The following PRIM2 variants were observed in gnomAD, a reference collection of about 807,000 sequenced individuals.
PRIM2 encodes DNA primase subunit 2.
Under a neutral mutation model 67.3 loss-of-function variants are expected in PRIM2, and 39 were observed. The observed-to-expected ratio is 0.58, with a 90% CI of 0.45 to 0.76. The LOEUF is 0.76. Among genes scored for constraint, PRIM2 ranks in the 30% least tolerant of loss-of-function variants. The pLI, the probability that PRIM2 is intolerant of heterozygous loss-of-function variation, is 0.00. For synonymous variants in PRIM2, 143 were observed against 198.7 expected, an observed-to-expected ratio of 0.72 and a Z score of 2.36; for missense variants, 398 against 598.7, an observed-to-expected ratio of 0.66 and a Z score of 3.50.
At chr6:57,371,865 G>C (rs1473961743) in intron 5 of PRIM2, among the ~76,000 whole-genome samples, 1 of 152,180 alleles carries the variant, frequency 6.6e-6, no homozygotes, top group Admixed American at 6.5e-5. Flanking sequence ...TCTGCATTGT[G>C]TGTCTGGTTG....
intron 7 of PRIM2, among the ~76,000 whole-genome samples, chr6:57,452,950 A>G (rs1772608875): frequency 6.6e-6 from 1 of 152,096 alleles, no homozygotes; most frequent in African/African-American, 2.4e-5. Context: ...TCCATCTTGA[A>G]TTAATTTTAG....
chr6:57,546,699 C>G (rs1392968294), intron 10 of PRIM2, among the ~76,000 whole-genome samples: 3 of 152,022 alleles, frequency 2.0e-5, no homozygotes. Context: ...AATTTACCTT[C>G]TCAGTATATT....
intron 7 of PRIM2, among the ~76,000 whole-genome samples, chr6:57,489,560 G>GAAAAAAA (rs1773839803): frequency 7.0e-6 from 1 of 143,850 alleles, no homozygotes. Context: ...CCCGTCTCCA[G>GAAAAAAA]AAAAAAGAAA....
intron 10 of PRIM2, among the ~76,000 whole-genome samples, chr6:57,552,119 GA>G (rs1168906151): frequency 1.3e-4 from 20 of 152,270 alleles, no homozygotes; most frequent in African/African-American, 4.8e-4. Flanking sequence ...TGGGTTCGGG[GA>G]AGACCAGCAG....
At chr6:57,472,542 A>G (rs1228316663) in intron 7 of PRIM2, among the ~76,000 whole-genome samples, 14 of 152,160 alleles carry the variant, frequency 9.2e-5, no homozygotes, top group Non-Finnish European at 1.6e-4. Context: ...GGAGCACTTC[A>G]GTTATCACTT....
At chr6:57,439,739 C>G (rs1014824260) in intron 7 of PRIM2, among the ~76,000 whole-genome samples, 2 of 151,904 alleles carry the variant, frequency 1.3e-5, no homozygotes, top group African/African-American at 4.8e-5. Flanking sequence ...TAATGTTAAA[C>G]TTAGGTAAAA....
In PRIM2 at chr6:57,356,562, C is replaced by G. The variant is rs5001426; in HGVS notation, c.460-23339C>G. On this transcript the variant is annotated intron_variant, in intron 5 of 13. Transcript: ENST00000615550. Reference sequence around the variant, plus strand: ...CTAATAGAACTTGAAATACTAGAGTCTTATTAAAATGAATAAGCACAGATT... The same window carrying G: ...CTAATAGAACTTGAAATACTAGAGTGTTATTAAAATGAATAAGCACAGATT... Among the ~76,000 whole-genome samples, 113 of 152,204 alleles carry G rather than the reference C, an allele frequency of 7.4e-4. 2 individuals carry two copies. In the East Asian group the frequency reaches 0.021, roughly 28 times the overall value.
In PRIM2 at chr6:57,628,019, AG is replaced by A. The variant is rs1314254733; in HGVS notation, c.1231-4113del. ...TTCTTTGGTATTATTGCAATATGCA[AG>A]AGGACCTCATAAGGTGCTCTGGTTC... On this transcript the variant is annotated intron_variant, in intron 12 of 13. Transcript: ENST00000615550. 9.2e-3 allele frequency among the ~76,000 whole-genome samples: 1,398 copies of A among 152,328 alleles called. 9 individuals are homozygous for A. Among genetic ancestry groups the A allele is most frequent in the Non-Finnish European group, 0.016 (1,078 of 68,038 alleles).
the PRIM2 span, among the ~76,000 whole-genome samples, chr6:57,268,527 T>A: frequency 3.3e-5 from 5 of 152,178 alleles, no homozygotes; most frequent in Admixed American, 1.3e-4. Context: ...CAATATTTTT[T>A]AATTGAGTTT....
the PRIM2 span, among the ~76,000 whole-genome samples, chr6:57,277,648 G>A: frequency 6.6e-6 from 1 of 152,006 alleles, no homozygotes. Flanking sequence ...AGAGAACCAC[G>A]ATGTGAATTC....
chr6:57,376,115 A>G (rs1562719611), intron 5 of PRIM2, among the ~76,000 whole-genome samples: 3 of 152,126 alleles, frequency 2.0e-5, no homozygotes, highest in Non-Finnish European at 2.9e-5. Flanking sequence ...TGTAGTCCCA[A>G]TTACTCAGAA....
At chr6:57,639,717 G>C (rs1777195652) in intron 13 of PRIM2, among the ~76,000 whole-genome samples, 3 of 149,966 alleles carry the variant, frequency 2.0e-5, no homozygotes, top group South Asian at 4.2e-4. Context: ...ACTAATAACA[G>C]GTTCTGAAAC....
chr6:57,274,670 A>G, the PRIM2 span, among the ~76,000 whole-genome samples: 1 of 152,232 alleles, frequency 6.6e-6, no homozygotes, highest in East Asian at 1.9e-4. Flanking sequence ...CCCCAGTGAG[A>G]TGAACCTGAT....
the PRIM2 span, among the ~76,000 whole-genome samples, chr6:57,230,713 G>A: frequency 2.0e-5 from 3 of 152,150 alleles, no homozygotes; most frequent in African/African-American, 4.8e-5. Context: ...TGCACAGTTT[G>A]GAAAACTTAG....
chr6:57,316,336 C>A (rs1428757317), upstream of PRIM2, among the ~76,000 whole-genome samples: 5 of 152,218 alleles, frequency 3.3e-5, no homozygotes, highest in East Asian at 9.7e-4. Context: ...CGCTTGAATC[C>A]CGGAGGCGGA....
intron 10 of PRIM2, among the ~76,000 whole-genome samples, chr6:57,564,536 C>T (rs1252897261): frequency 1.1e-4 from 16 of 151,932 alleles, no homozygotes; most frequent in Non-Finnish European, 2.2e-4. Context: ...TTTTACCGTT[C>T]TACTTTTTTG....
chr6:57,359,374 C>A (rs556528427), intron 5 of PRIM2, among the ~76,000 whole-genome samples: 1 of 152,294 alleles, frequency 6.6e-6, no homozygotes, highest in East Asian at 1.9e-4. Context: ...TTTTAAGCAT[C>A]CCTGTCACGG....
At chr6:57,272,018 T>C in the PRIM2 span, among the ~76,000 whole-genome samples, 1 of 152,234 alleles carries the variant, frequency 6.6e-6, no homozygotes, top group East Asian at 1.9e-4. Flanking sequence ...TCTGTTCTTT[T>C]ACATTTGCTG....
intron 3 of PRIM2, 57 bp from the exon 4 acceptor site, chr6:57,324,144 C>T (rs1017939985): frequency 1.0e-5 from 10 of 991,446 alleles, no homozygotes; most frequent in South Asian, 1.4e-5. Flanking sequence ...TCAGTATTTC[C>T]TTACACCTCT....
Sources: allele counts gnomAD v4.1 joint callset (sites outside exome capture counted in the v4.1 genomes callset), GRCh38; gene constraint gnomAD v4.1.1; transcripts MANE v1.5; gene names NCBI Gene and HGNC (gene_info 2026-07-23, HGNC 2026-07-21).